Variants in SPAG16 observed in about 807,000 individuals in gnomAD.
SPAG16 encodes sperm associated antigen 16.
Under a neutral mutation model 80.4 loss-of-function variants are expected in SPAG16, and 86 were observed. The ratio of observed to expected loss-of-function variants is 1.07; its 90% confidence interval spans 0.90 to 1.28. The LOEUF is 1.28. Ranked by LOEUF, SPAG16 falls within the 50% of genes most tolerant of loss-of-function variation. The pLI is 0.00. For missense variants in SPAG16, 870 were observed against 765.3 expected, an observed-to-expected ratio of 1.14 and a Z score of -1.61; for synonymous variants, 294 against 265.9, an observed-to-expected ratio of 1.11 and a Z score of -1.03.
At chr2:213,614,311 G>GGATA (rs2061528610) in intron 10 of SPAG16, among the ~76,000 whole-genome samples, 4 of 152,110 alleles carry the variant, frequency 2.6e-5, no homozygotes, top group African/African-American at 9.7e-5. Flanking sequence ...GATACAAATG[G>GGATA]CATAATAAGA....
At chr2:213,296,897 T>C in intron 2 of SPAG16, 1 of 351,246 alleles carries the variant, frequency 2.8e-6, no homozygotes, top group South Asian at 2.6e-5. Context: ...AACGAGAGAT[T>C]TTCAGTTGCT....
At chr2:213,538,369 T>C (rs541008347) in intron 10 of SPAG16, among the ~76,000 whole-genome samples, 1 of 152,264 alleles carries the variant, frequency 6.6e-6, no homozygotes, top group African/African-American at 2.4e-5. Context: ...TTATTATATA[T>C]GTCCTTAAGA....
intron 11 of SPAG16, among the ~76,000 whole-genome samples, chr2:213,893,345 G>A (rs1329216753): frequency 1.3e-5 from 2 of 151,986 alleles, no homozygotes; most frequent in Non-Finnish European, 2.9e-5. Flanking sequence ...AAAAAAAAAT[G>A]TGAAGGAAAC....
At chr2:214,236,469 T>C (rs1022121717) in intron 15 of SPAG16, among the ~76,000 whole-genome samples, 5 of 152,006 alleles carry the variant, frequency 3.3e-5, no homozygotes, top group African/African-American at 1.2e-4. Flanking sequence ...CTGGCCAACA[T>C]AGCGAAACCT....
chr2:214,226,200 G>GT lies in SPAG16; in HGVS notation c.1720+76935dup, dbSNP rs1175198845. Among the ~76,000 whole-genome samples, 30 of 152,064 alleles carry GT rather than the reference G, an allele frequency of 2.0e-4. 1 individual carries two copies. The highest frequency in any genetic ancestry group is 1.5e-5 in the Non-Finnish European group (1 of 68,000). ...TTGTCTGAAGTTTGCTGGCAGGTTG[G>GT]TAGGGGCTAGCCCGTCTAGGATAGT... On this transcript the variant is annotated intron_variant, in intron 15 of 15. Transcript: ENST00000331683.
chr2:213,955,569 C>T (rs1453887267), intron 12 of SPAG16, among the ~76,000 whole-genome samples: 2 of 152,168 alleles, frequency 1.3e-5, no homozygotes, highest in East Asian at 1.9e-4. Context: ...TAGTACCACA[C>T]TGTCTTAATT....
chr2:213,799,036 T>C (rs1329765303), intron 10 of SPAG16, among the ~76,000 whole-genome samples: 2 of 152,150 alleles, frequency 1.3e-5, no homozygotes, highest in East Asian at 3.9e-4. Context: ...TTTTTTAAGG[T>C]TTCTTTGGCA....
Position 214,108,193 on chromosome 2 carries a change from T to C in SPAG16, c.1528-3T>C. The C allele has an allele frequency of 6.4e-7, 1 of 1,558,798 alleles. No homozygotes were observed. The highest frequency in any genetic ancestry group is 1.8e-5 in the Admixed American group (1 of 57,020). On this transcript the variant is annotated splice_region_variant and splice_polypyrimidine_tract_variant and intron_variant, in intron 13 of 15. Transcript: ENST00000331683. ...TGACTCTGTTTCTGCTTTGTCTTCC[T>C]AGGGTATATGTGAGCAGTCACTTTA...
chr2:213,319,518 A>G (rs1404183064), intron 5 of SPAG16, among the ~76,000 whole-genome samples: 2 of 151,938 alleles, frequency 1.3e-5, no homozygotes, highest in South Asian at 4.1e-4. Flanking sequence ...TCTATTCTTC[A>G]TTCCATTTCT....
chr2:213,947,205 T>C (rs2079518278), intron 12 of SPAG16, among the ~76,000 whole-genome samples: 1 of 152,208 alleles, frequency 6.6e-6, no homozygotes, highest in African/African-American at 2.4e-5. Flanking sequence ...CTCTAGGATA[T>C]GTGTCCATGA....
chr2:213,682,794 G>A (rs116611364), intron 10 of SPAG16, among the ~76,000 whole-genome samples: 1 of 152,252 alleles, frequency 6.6e-6, no homozygotes, highest in African/African-American at 2.4e-5. Context: ...TGGTCATGCT[G>A]ACATTAGTCA....
At chr2:213,688,610 G>A (rs2064799568) in intron 10 of SPAG16, among the ~76,000 whole-genome samples, 1 of 152,108 alleles carries the variant, frequency 6.6e-6, no homozygotes, top group African/African-American at 2.4e-5. Context: ...ATGGTTTGTA[G>A]GGCATGACTC....
chr2:213,821,581 CT>C (rs1391936482), intron 10 of SPAG16, among the ~76,000 whole-genome samples: 1 of 152,050 alleles, frequency 6.6e-6, no homozygotes, highest in Non-Finnish European at 1.5e-5. Context: ...ATTTTAGTTA[CT>C]TTAAAAAGTA....
chr2:214,167,623 A>T (rs1347170260), intron 15 of SPAG16, among the ~76,000 whole-genome samples: 4 of 152,114 alleles, frequency 2.6e-5, no homozygotes, highest in Non-Finnish European at 4.4e-5. Flanking sequence ...ATATTTTTTT[A>T]AATGTGTATT....
At chr2:213,677,865 G>A (rs1474226764) in intron 10 of SPAG16, among the ~76,000 whole-genome samples, 1 of 152,036 alleles carries the variant, frequency 6.6e-6, no homozygotes, top group Non-Finnish European at 1.5e-5. Context: ...CACATAGTTG[G>A]AAGTAAAGCT....
intron 10 of SPAG16, among the ~76,000 whole-genome samples, chr2:213,655,951 AT>A (rs1187494149): frequency 6.6e-6 from 1 of 152,204 alleles, no homozygotes; most frequent in East Asian, 1.9e-4. Context: ...TTTCCTAGTC[AT>A]TTCCATGAAC....
At chr2:213,540,786 T>C (rs946522078) in intron 10 of SPAG16, among the ~76,000 whole-genome samples, 17 of 152,244 alleles carry the variant, frequency 1.1e-4, no homozygotes, top group African/African-American at 3.9e-4. Flanking sequence ...AAAAATGGAA[T>C]ATTATGCTTC....
intron 15 of SPAG16, among the ~76,000 whole-genome samples, chr2:214,210,886 TTATGA>T (rs2125747250): frequency 6.6e-6 from 1 of 152,118 alleles, no homozygotes; most frequent in East Asian, 1.9e-4. Context: ...TATATGGATC[TTATGA>T]TAGTTATATA....
intron 10 of SPAG16, among the ~76,000 whole-genome samples, chr2:213,681,114 C>T (rs1574787208): frequency 6.6e-6 from 1 of 152,064 alleles, no homozygotes; most frequent in South Asian, 2.1e-4. Flanking sequence ...TTGATTGTCT[C>T]CTGGACCTGG....
Sources: allele counts gnomAD v4.1 joint callset (sites outside exome capture counted in the v4.1 genomes callset), GRCh38; gene constraint gnomAD v4.1.1; transcripts MANE v1.5; gene names NCBI Gene and HGNC (gene_info 2026-07-23, HGNC 2026-07-21).